Variants in PRKCQ observed in about 807,000 individuals in gnomAD.
PRKCQ encodes protein kinase C theta.
A neutral mutation model predicts 91.2 loss-of-function variants in PRKCQ; 41 were observed. The observed-to-expected ratio is 0.45, with a 90% CI of 0.35 to 0.58. The LOEUF is 0.58. PRKCQ is among the 20% of genes least tolerant of loss of function. The pLI, the probability that PRKCQ is intolerant of heterozygous loss-of-function variation, is 0.00. For missense variants in PRKCQ, 673 were observed against 896.5 expected (o/e 0.75, Z 3.18); for synonymous variants, 307 against 316.9 (o/e 0.97, Z 0.33).
intron 1 of PRKCQ, among the ~76,000 whole-genome samples, chr10:6,567,373 C>T (rs942638678): frequency 5.3e-5 from 8 of 152,348 alleles, no homozygotes; most frequent in African/African-American, 1.7e-4. Context: ...CCATATCTTC[C>T]CATTTCTGAA....
At chr10:6,459,482 G>T (rs1188714531) in intron 14 of PRKCQ, among the ~76,000 whole-genome samples, 1 of 152,286 alleles carries the variant, frequency 6.6e-6, no homozygotes, top group Middle Eastern at 3.4e-3. Flanking sequence ...GCCCCCAGAA[G>T]ATATGTCCAG....
In PRKCQ at chr10:6,573,895, T is replaced by C. The variant is rs188441579; in HGVS notation, c.-10+6316A>G. ...ACTCTGGGAGGCCAAGGCGGGCAGA[T>C]CACTTGAGCCCAGGAGTTAGAGACT... On this transcript the variant is annotated intron_variant, in intron 1 of 17. Coordinates refer to ENST00000263125, the MANE Select transcript of PRKCQ (RefSeq NM_006257.5). 4.0e-3 allele frequency among the ~76,000 whole-genome samples: 613 copies of C among 152,252 alleles called. 4 individuals carry two copies. Among genetic ancestry groups the C allele is most frequent in the Non-Finnish European group, 4.6e-3 (313 of 68,010 alleles).
At chr10:6,521,419 A>G (rs1838998579) in intron 1 of PRKCQ, among the ~76,000 whole-genome samples, 2 of 152,176 alleles carry the variant, frequency 1.3e-5, no homozygotes, top group African/African-American at 2.4e-5. Context: ...GCCCTCATAC[A>G]CTGAACTGCT....
chr10:6,435,626 C>T (rs1045454512), intron 16 of PRKCQ, among the ~76,000 whole-genome samples: 1 of 152,236 alleles, frequency 6.6e-6, no homozygotes. Context: ...AATCTTTTGG[C>T]TTCCTTGGGC....
chr10:6,444,597 G>A (rs1834150300), intron 15 of PRKCQ, among the ~76,000 whole-genome samples: 1 of 152,002 alleles, frequency 6.6e-6, no homozygotes, highest in African/African-American at 2.4e-5. Context: ...TAGGATTGAG[G>A]CACTAAACTT....
At position 6,519,692 on chromosome 10, in the gene PRKCQ, T is replaced by C. The variant is rs1014570935; in HGVS notation, c.-9-4548A>G. ...TTGTGTCCTATCATTTGCCTTTTGA[T>C]GTAAAGAGCCAAATTTAGGATCTAA... is the stretch of plus-strand genomic sequence containing the variant. On this transcript the variant is annotated intron_variant, in intron 1 of 17. Coordinates refer to ENST00000263125, the MANE Select transcript of PRKCQ (RefSeq NM_006257.5). Among the ~76,000 whole-genome samples the C allele has an allele frequency of 4.6e-5, 7 of 152,172 alleles. No homozygotes were observed. The South Asian group carries it at 1.2e-3, about 27-fold the overall frequency.
intron 13 of PRKCQ, among the ~76,000 whole-genome samples, chr10:6,462,698 C>T (rs1480918143): frequency 6.6e-6 from 1 of 152,042 alleles, no homozygotes; most frequent in Non-Finnish European, 1.5e-5. Context: ...ATAAAACATA[C>T]ACAGACATTA....
At chr10:6,503,729 T>G (rs1312246655) in intron 4 of PRKCQ, among the ~76,000 whole-genome samples, 1 of 152,212 alleles carries the variant, frequency 6.6e-6, no homozygotes, top group Non-Finnish European at 1.5e-5. Flanking sequence ...TTAAGAGATA[T>G]TCTCAACATT....
intron 1 of PRKCQ, among the ~76,000 whole-genome samples, chr10:6,559,385 T>C (rs1344641855): frequency 1.3e-5 from 2 of 152,072 alleles, no homozygotes; most frequent in East Asian, 3.9e-4. Flanking sequence ...TCTTTTGAGA[T>C]AGTCTCGCTC....
At chr10:6,477,306 C>T (rs911798180) in intron 12 of PRKCQ, among the ~76,000 whole-genome samples, 1 of 152,202 alleles carries the variant, frequency 6.6e-6, no homozygotes, top group Non-Finnish European at 1.5e-5. Context: ...CTGTATCCTC[C>T]ACAGTGCTTT....
At chr10:6,564,335 C>T (rs946130505) in intron 1 of PRKCQ, among the ~76,000 whole-genome samples, 6 of 152,146 alleles carry the variant, frequency 3.9e-5, no homozygotes. Flanking sequence ...TAAATGGCTG[C>T]AATACTATTG....
intron 1 of PRKCQ, among the ~76,000 whole-genome samples, chr10:6,568,918 C>T (rs1478723729): frequency 6.6e-6 from 1 of 152,082 alleles, no homozygotes; most frequent in African/African-American, 2.4e-5. Flanking sequence ...CAGCAAGTCA[C>T]CTCCCGGAAT....
rs548486785 is a variant in PRKCQ at position 6,520,145 on chromosome 10, C to T, written c.-9-5001G>A. 7.2e-5 allele frequency among the ~76,000 whole-genome samples: 11 copies of T among 152,334 alleles called. 1 individual carries two copies. Among genetic ancestry groups the T allele is most frequent in the Admixed American group, 4.6e-4 (7 of 15,310 alleles). ...ACCCCTTGTCTGAGCAATAAAGTCA[C>T]GCATTCGACTCTCTCCTGGAAATCT... On this transcript the variant is annotated intron_variant, in intron 1 of 17. Coordinates refer to ENST00000263125, the MANE Select transcript of PRKCQ (RefSeq NM_006257.5).
At chr10:6,554,139 G>C (rs908280330) in intron 1 of PRKCQ, among the ~76,000 whole-genome samples, 4 of 152,094 alleles carry the variant, frequency 2.6e-5, no homozygotes, top group Non-Finnish European at 5.9e-5. Flanking sequence ...GTAAAGTGCT[G>C]CTATTTCGTG....
chr10:6,424,416 C>A (rs1235733205), downstream of PRKCQ, among the ~76,000 whole-genome samples: 1 of 152,190 alleles, frequency 6.6e-6, no homozygotes, highest in African/African-American at 2.4e-5. Context: ...ATACTTCTCA[C>A]CCGCCCATGC....
intron 1 of PRKCQ, among the ~76,000 whole-genome samples, chr10:6,574,374 G>A (rs4620621): frequency 0.46 from 69,993 of 152,128 alleles, 19,634 homozygotes; most frequent in Non-Finnish European, 0.6. Context: ...AAACTCCTTC[G>A]TATGACTTAA....
At chr10:6,501,280 G>A (rs1837896047) in intron 4 of PRKCQ, among the ~76,000 whole-genome samples, 2 of 151,798 alleles carry the variant, frequency 1.3e-5, no homozygotes, top group Admixed American at 1.3e-4. Flanking sequence ...AGGTAAAAAG[G>A]TGAAAAAAAA....
chr10:6,451,756 T>C (rs530875043), intron 15 of PRKCQ, among the ~76,000 whole-genome samples: 3 of 152,322 alleles, frequency 2.0e-5, no homozygotes, highest in South Asian at 2.1e-4. Context: ...ATCCCTGGGA[T>C]GCAAGGCTGG....
rs56075764 is a variant in PRKCQ at position 6,534,774 on chromosome 10, C to CTATA, written c.-9-19634_-9-19631dup. On this transcript the variant is annotated intron_variant, in intron 1 of 17. Coordinates refer to ENST00000263125, the MANE Select transcript of PRKCQ (RefSeq NM_006257.5). ...TTAAAAGTTAAATAGAAACATATATCTATATATATATATATATAGATATAT... is the reference window on the plus strand; with the variant it reads ...TTAAAAGTTAAATAGAAACATATATCTATATATATATATATATATATAGATATAT... Among the ~76,000 whole-genome samples the CTATA allele has an allele frequency of 4.3e-3, 612 of 142,734 alleles. 2 individuals carry two copies. The highest frequency in any genetic ancestry group is 0.011 in the African/African-American group (394 of 37,314). 93.6% of individuals were successfully genotyped at this position (142,734 alleles called of 152,430 possible).
Sources: allele counts gnomAD v4.1 joint callset (sites outside exome capture counted in the v4.1 genomes callset), GRCh38; gene constraint gnomAD v4.1.1; transcripts MANE v1.5; gene names NCBI Gene and HGNC (gene_info 2026-07-23, HGNC 2026-07-21).